Variants in HAT1 observed in about 807,000 individuals in gnomAD.
HAT1 encodes histone acetyltransferase type B catalytic subunit.
In HAT1, 20 loss-of-function variants were observed where a neutral mutation model predicts 56.6. The observed-to-expected ratio is 0.35, with a 90% CI of 0.25 to 0.51. The LOEUF (loss-of-function observed/expected upper bound fraction) is 0.51, where lower values mean the gene tolerates loss of function less well. HAT1 is among the 20% of genes least tolerant of loss of function. The pLI, the probability that HAT1 is intolerant of heterozygous loss-of-function variation, is 0.95. For synonymous variants in HAT1, 146 were observed against 165.5 expected, an observed-to-expected ratio of 0.88 and a Z score of 0.91; for missense variants, 408 against 504.3, an observed-to-expected ratio of 0.81 and a Z score of 1.83.
chr2:171,977,558 T>TATATATA (rs1491530330), intron 9 of HAT1, among the ~76,000 whole-genome samples: 28 of 9,410 alleles, frequency 3.0e-3, no homozygotes, highest in South Asian at 0.019. Context: ...TATATATATA[T>TATATATA]TTTTTTTTTT....
chr2:171,939,525 C>T (rs949517066), intron 2 of HAT1, among the ~76,000 whole-genome samples: 6 of 152,152 alleles, frequency 3.9e-5, no homozygotes, highest in Non-Finnish European at 8.8e-5. Context: ...ATCTCTGGAG[C>T]GGCTGTTGTA....
intron 2 of HAT1, among the ~76,000 whole-genome samples, chr2:171,932,500 CTT>C (rs1160895554): frequency 6.6e-6 from 1 of 152,064 alleles, no homozygotes; most frequent in Non-Finnish European, 1.5e-5. Flanking sequence ...TGATTTTTGT[CTT>C]TTAAAGTATT....
chr2:171,978,522 T>G (rs973179292), intron 9 of HAT1, among the ~76,000 whole-genome samples: 3 of 152,324 alleles, frequency 2.0e-5, no homozygotes, highest in Middle Eastern at 3.4e-3. Flanking sequence ...TTTTCTATTT[T>G]CTGCTGCCTC....
chr2:171,949,883 GCAAGTGGCCACCCTTTCAGA>G (rs1225265688), intron 3 of HAT1, among the ~76,000 whole-genome samples: 1 of 152,038 alleles, frequency 6.6e-6, no homozygotes, highest in Admixed American at 6.5e-5. Flanking sequence ...CCCAGATTTG[GCAAGTGGCCACCCTTTCAGA>G]CACTTTTGAG....
At position 171,966,518 on chromosome 2, in the gene HAT1, T is replaced by C. The variant is rs1183599131; in HGVS notation, c.716+5T>C. ...CAAAACCCGGCCACGTGTAAGGTAATTGGCAGTATAACACGTGCCTTGTCT... is the reference window on the plus strand; with the variant it reads ...CAAAACCCGGCCACGTGTAAGGTAACTGGCAGTATAACACGTGCCTTGTCT... On this transcript the variant is annotated splice_donor_5th_base_variant and intron_variant, in intron 7 of 10. Transcript: ENST00000264108. The C allele has an allele frequency of 8.4e-6, 11 of 1,314,352 alleles. No individual in the cohort carries two copies. Among genetic ancestry groups the C allele is most frequent in the African/African-American group, 1.4e-5 (1 of 69,222 alleles). The allele number at this position is 1,314,352 out of a possible 1,614,324, so 81.4% of individuals were successfully genotyped here. A position where few individuals can be genotyped will look rare whatever the true frequency, so the allele number is the denominator to read the frequency against.
intron 4 of HAT1, among the ~76,000 whole-genome samples, chr2:171,960,003 G>A (rs1687536859): frequency 6.6e-6 from 1 of 152,184 alleles, no homozygotes; most frequent in Non-Finnish European, 1.5e-5. Flanking sequence ...AGGGGTAGGA[G>A]ATGGTTGAAG....
At chr2:171,932,809 C>T (rs937994714) in intron 2 of HAT1, among the ~76,000 whole-genome samples, 18 of 152,130 alleles carry the variant, frequency 1.2e-4, no homozygotes, top group African/African-American at 4.1e-4. Context: ...GTGGAGGTTA[C>T]AGTGAGCTGC....
chr2:171,976,595 G>A (rs1425707040), intron 9 of HAT1, among the ~76,000 whole-genome samples: 1 of 152,130 alleles, frequency 6.6e-6, no homozygotes, highest in Non-Finnish European at 1.5e-5. Context: ...AGGAAAGATG[G>A]ATAATAGGAT....
chr2:171,922,602 G>A (rs1686466581), intron 1 of HAT1, 95 bp downstream of exon 1: 3 of 1,087,220 alleles, frequency 2.8e-6, no homozygotes, highest in Non-Finnish European at 3.6e-6. Context: ...TAGAACTTTC[G>A]GGCTGTAGCC....
At chr2:171,928,729 T>C (rs1450345397) in intron 2 of HAT1, among the ~76,000 whole-genome samples, 2 of 152,174 alleles carry the variant, frequency 1.3e-5, no homozygotes, top group African/African-American at 4.8e-5. Flanking sequence ...CAGGCTGGTC[T>C]CGAACTCCTG....
intron 4 of HAT1, among the ~76,000 whole-genome samples, chr2:171,962,826 T>G (rs985391353): frequency 2.6e-5 from 4 of 152,224 alleles, no homozygotes; most frequent in African/African-American, 9.6e-5. Flanking sequence ...ACAGGGAATT[T>G]TTCAGTGATC....
At chr2:171,976,109 T>C (rs767771067) in intron 8 of HAT1, 48 bp from the exon 9 acceptor site, 9 of 1,210,514 alleles carry the variant, frequency 7.4e-6, no homozygotes, top group Non-Finnish European at 1.0e-5. Context: ...GAAGAAATTA[T>C]ATTGAGTATC....
chr2:171,975,254 G>T, intron 8 of HAT1, among the ~76,000 whole-genome samples: 1 of 151,812 alleles, frequency 6.6e-6, no homozygotes, highest in East Asian at 1.9e-4. Flanking sequence ...ACAGGCCTGC[G>T]CCACCACTCA....
intron 1 of HAT1, chr2:171,924,794 T>G (rs1354732456): frequency 6.6e-6 from 1 of 152,220 alleles, no homozygotes; most frequent in African/African-American, 2.4e-5. Context: ...CATTATCATT[T>G]CCTTATCTGA....
Position 171,955,370 on chromosome 2 carries a change from A to G in HAT1, c.309+2369A>G, listed in dbSNP as rs1311153854. ...CTCATGCCTGTAATCCCAGCAATTTAGAAGGCCAAGGCGGGAGGATCACCT... is the reference window on the plus strand; with the variant it reads ...CTCATGCCTGTAATCCCAGCAATTTGGAAGGCCAAGGCGGGAGGATCACCT... On this transcript the variant is annotated intron_variant, in intron 4 of 10. Coordinates refer to ENST00000264108, the MANE Select transcript of HAT1 (RefSeq NM_003642.4). Among the ~76,000 whole-genome samples, 4 of 152,036 alleles carry G rather than the reference A, an allele frequency of 2.6e-5. No individual in the cohort carries two copies. The East Asian group carries it at 7.7e-4, about 29-fold the overall frequency.
chr2:171,966,846 G>A lies in HAT1; in HGVS notation c.720G>A (p.Gln240=), dbSNP rs778393465. ...TAAAATAATTTCTTTACTGTAGTCA[G>A]ATGCTGATTTTGACTCCATTTCAAG... The part of the protein sequence containing the change: ...YPDKTRPRVS[Q]MLILTPFQGQ... Residue 240 remains glutamine (Q), a synonymous_variant, in exon 8 of 11, where the codon CAG becomes CAA. Transcript: ENST00000264108. 6.7e-7 allele frequency: 1 copy of A among 1,489,018 alleles called. No individual in the cohort carries two copies. The highest frequency in any genetic ancestry group is 1.1e-5 in the South Asian group (1 of 87,240). The allele number at this position is 1,489,018 out of a possible 1,614,324, so 92.2% of individuals were successfully genotyped here.
intron 6 of HAT1, chr2:171,966,172 C>T: frequency 1.6e-6 from 1 of 607,168 alleles, no homozygotes; most frequent in Non-Finnish European, 3.0e-6. Context: ...TACTTGCCAC[C>T]TATTCATCTT....
intron 9 of HAT1, among the ~76,000 whole-genome samples, chr2:171,977,539 ATATATATATATATATATATTTTTTTTTT>A (rs1353379236): frequency 7.1e-5 from 2 of 28,082 alleles, no homozygotes; most frequent in African/African-American, 1.3e-4. Context: ...ATATATATAT[ATATATATATATATATATATTTTTTTTTT>A]TTTTTTTTTT....
intron 6 of HAT1, 100 bp from the exon 7 acceptor site, chr2:171,966,309 T>C: frequency 1.3e-6 from 1 of 746,742 alleles, no homozygotes; most frequent in Non-Finnish European, 2.5e-6. Context: ...CAGAGTAGCT[T>C]GCTGACACTG....
Sources: gnomAD v4.1 joint callset for allele counts (sites outside exome capture counted in the v4.1 genomes callset) on GRCh38, gnomAD v4.1.1 for gene constraint, MANE v1.5 for transcripts, NCBI Gene and HGNC (gene_info 2026-07-23, HGNC 2026-07-21) for gene names.